The following PEPD variants were observed in gnomAD, a reference collection of about 807,000 sequenced individuals.
The protein encoded by PEPD is xaa-Pro dipeptidase.
PEPD carries 53 observed loss-of-function variants against 60.7 expected under a neutral mutation model. The ratio of observed to expected loss-of-function variants is 0.87; its 90% CI spans 0.70 to 1.10. PEPD has a LOEUF of 1.10. Among genes scored for constraint, PEPD ranks in the 50% least tolerant of loss-of-function variants. The pLI is 0.00. For synonymous variants in PEPD, 267 were observed against 284.1 expected (o/e 0.94, Z 0.60); for missense variants, 711 against 711.9 (o/e 1.00, Z 0.01).
At chr19:33,435,682 C>A (rs574349332) in intron 9 of PEPD, among the ~76,000 whole-genome samples, 235 of 152,372 alleles carry the variant, frequency 1.5e-3, no homozygotes, top group Non-Finnish European at 2.9e-3. Flanking sequence ...GTCCTCTGGG[C>A]ACTGTGTGAG....
chr19:33,402,743 C>T (rs906311955), intron 11 of PEPD, among the ~76,000 whole-genome samples: 9 of 152,210 alleles, frequency 5.9e-5, no homozygotes, highest in Middle Eastern at 3.4e-3. Context: ...CAGGCAGGGG[C>T]GTGGAGAATG....
intron 9 of PEPD, among the ~76,000 whole-genome samples, chr19:33,440,699 G>A (rs73927892): frequency 2.0e-5 from 3 of 152,076 alleles, no homozygotes; most frequent in Admixed American, 6.6e-5. Context: ...TGCCGTCCCC[G>A]CTTTTATTTT....
Position 33,387,154 on chromosome 19 carries a change from C to G in PEPD, c.*190G>C. On this transcript the variant is annotated 3_prime_UTR_variant, in exon 15 of 15. Coordinates refer to ENST00000244137, the MANE Select transcript of PEPD (RefSeq NM_000285.4). ...GTATAAAACAGATTAAAGGTGGGAG[C>G]CTGCAAAAGGGTAATTAAAAAAGTG... 6.4e-6 allele frequency: 4 copies of G among 621,598 alleles called. No individual in the cohort carries two copies. Among genetic ancestry groups the G allele is most frequent in the South Asian group, 3.9e-5 (2 of 51,672 alleles). 38.5% of individuals were successfully genotyped at this position (621,598 alleles called of 1,614,324 possible). A position where few individuals can be genotyped will look rare whatever the true frequency, so the allele number is the denominator to read the frequency against.
intron 10 of PEPD, among the ~76,000 whole-genome samples, chr19:33,413,251 T>C (rs118064752): frequency 1.6e-3 from 250 of 152,338 alleles, no homozygotes; most frequent in Non-Finnish European, 3.1e-3. Flanking sequence ...GCTGTGTGTG[T>C]GCCCGTGTGG....
intron 9 of PEPD, among the ~76,000 whole-genome samples, chr19:33,459,407 G>A (rs759879865): frequency 4.6e-5 from 7 of 152,142 alleles, no homozygotes; most frequent in Admixed American, 1.3e-4. Flanking sequence ...CTAAATTAGC[G>A]TTTGCAGGTA....
At chr19:33,441,794 T>C (rs1304422836) in intron 9 of PEPD, among the ~76,000 whole-genome samples, 1 of 152,282 alleles carries the variant, frequency 6.6e-6, no homozygotes, top group African/African-American at 2.4e-5. Context: ...AGAGCTGGCC[T>C]GACTCTGGTA....
intron 3 of PEPD, 50 bp downstream of exon 3, chr19:33,510,978 C>T: frequency 6.3e-7 from 1 of 1,592,362 alleles, no homozygotes; most frequent in East Asian, 2.3e-5. Context: ...CCCTACCCAC[C>T]CCCAGCCCAT....
chr19:33,486,067 T>C (rs1015966601), intron 6 of PEPD, among the ~76,000 whole-genome samples: 1 of 152,130 alleles, frequency 6.6e-6, no homozygotes, highest in Non-Finnish European at 1.5e-5. Flanking sequence ...GTCAGTCTCC[T>C]GCTCTCAGGA....
At chr19:33,432,321 T>TCTCGGGTGTCAAACTGACCGTGTCC in intron 9 of PEPD, among the ~76,000 whole-genome samples, 1 of 152,324 alleles carries the variant, frequency 6.6e-6, no homozygotes. Context: ...GAGGTATCCC[T>TCTCGGGTGTCAAACTGACCGTGTCC]TTTGCACAGG....
intron 12 of PEPD, among the ~76,000 whole-genome samples, chr19:33,393,579 G>A (rs1293486712): frequency 6.8e-6 from 1 of 148,068 alleles, no homozygotes; most frequent in Non-Finnish European, 1.5e-5. Context: ...CCACAAGGCA[G>A]GCCCCGGGGG....
intron 3 of PEPD, among the ~76,000 whole-genome samples, chr19:33,503,182 C>T (rs1568505868): frequency 6.6e-6 from 1 of 152,320 alleles, no homozygotes. Flanking sequence ...CCCACCCAAA[C>T]CAGGAAGTAC....
At chr19:33,453,707 A>C (rs1303397387) in intron 9 of PEPD, among the ~76,000 whole-genome samples, 2 of 152,258 alleles carry the variant, frequency 1.3e-5, no homozygotes, top group African/African-American at 4.8e-5. Flanking sequence ...CTGGAGCTGA[A>C]GCCGCAATAT....
At position 33,447,911 on chromosome 19, in the gene PEPD, C is replaced by T. The variant is rs142953252; in HGVS notation, c.671+15084G>A. Among the ~76,000 whole-genome samples, 210 of 152,304 alleles carry T rather than the reference C, an allele frequency of 1.4e-3. 3 individuals are homozygous for T. In the East Asian group the frequency reaches 0.033, roughly 24 times the overall value. On this transcript the variant is annotated intron_variant, in intron 9 of 14. Coordinates refer to ENST00000244137, the MANE Select transcript of PEPD (RefSeq NM_000285.4). ...GCCTTGTGCGGGAGGTTCCTGAGGA[C>T]GCAAACTCAGCTTCACAGCCCCGGA...
chr19:33,391,301 G>A lies in PEPD; in HGVS notation c.1146C>T (p.Tyr382=), dbSNP rs747766801. The A allele has an allele frequency of 1.4e-5, 23 of 1,610,742 alleles. No individual in the cohort carries two copies. Among genetic ancestry groups the A allele is most frequent in the African/African-American group, 4.0e-5 (3 of 74,882 alleles). Residue 382 remains tyrosine (Y), a synonymous_variant, in exon 13 of 15, where the codon TAC becomes TAT. Transcript: ENST00000244137. ...LGIDVHDVGG[Y]PEGVERIDEP... ...CTGCCATGTCCACACTGACCTCTGG[G>A]TAGCCTCCCACGTCGTGCACGTCAA...
At chr19:33,504,326 G>T (rs954944446) in intron 3 of PEPD, among the ~76,000 whole-genome samples, 1 of 152,218 alleles carries the variant, frequency 6.6e-6, no homozygotes, top group Non-Finnish European at 1.5e-5. Flanking sequence ...CCCCTGAGGG[G>T]CTCTGGACTC....
In PEPD at chr19:33,401,953, C is replaced by T. The variant is rs1968507062; in HGVS notation, c.819-84G>A. 48 of 1,387,654 alleles carry T rather than the reference C, an allele frequency of 3.5e-5. No homozygotes were observed. In the South Asian group the frequency reaches 5.2e-4, roughly 15 times the overall value. 86.0% of individuals were successfully genotyped at this position (1,387,654 alleles called of 1,614,324 possible). On this transcript the variant is annotated intron_variant, in intron 11 of 14. Coordinates refer to ENST00000244137, the MANE Select transcript of PEPD (RefSeq NM_000285.4). ...TACCGCTCCCCACCTGCCCTGGACT[C>T]GAGGGCAGCTGGCCCGGGTCCTGGA... is the stretch of plus-strand genomic sequence containing the variant.
intron 9 of PEPD, among the ~76,000 whole-genome samples, chr19:33,434,135 T>A (rs1280755283): frequency 6.6e-6 from 1 of 152,200 alleles, no homozygotes; most frequent in Non-Finnish European, 1.5e-5. Context: ...TGGCTTCTTT[T>A]GCTAGACATC....
At chr19:33,446,366 T>C (rs1479879237) in intron 9 of PEPD, among the ~76,000 whole-genome samples, 3 of 152,256 alleles carry the variant, frequency 2.0e-5, no homozygotes, top group Admixed American at 6.5e-5. Context: ...AAGCCTATTA[T>C]GAATCAGCCA....
Position 33,387,195 on chromosome 19 carries a change from A to T in PEPD, c.*149T>A. ...TAAAAAAGTGTTTCCTCCCCGGGAA[A>T]CAGCACTGTTTGGTCTGATCAAATG... On this transcript the variant is annotated 3_prime_UTR_variant, in exon 15 of 15. Transcript: ENST00000244137. 1.1e-6 allele frequency: 1 copy of T among 874,560 alleles called. No individual in the cohort carries two copies. The highest frequency in any genetic ancestry group is 1.8e-6 in the Non-Finnish European group (1 of 554,664). The allele number at this position is 874,560 out of a possible 1,614,324, so 54.2% of individuals were successfully genotyped here.
Sources: allele counts gnomAD v4.1 joint callset (sites outside exome capture counted in the v4.1 genomes callset), GRCh38; gene constraint gnomAD v4.1.1; transcripts MANE v1.5; gene names NCBI Gene and HGNC (gene_info 2026-07-23, HGNC 2026-07-21).